Variants in FMN2 observed in about 807,000 individuals in gnomAD.
FMN2 encodes formin-2.
FMN2 carries 51 observed loss-of-function variants against 142.3 expected under a neutral mutation model. That is an observed-to-expected ratio of 0.36 (90% CI 0.29 to 0.45). The LOEUF (loss-of-function observed/expected upper bound fraction) is 0.45. FMN2 is among the 20% of genes least tolerant of loss of function. The pLI is 1.00. For synonymous variants in FMN2, 882 were observed against 869.8 expected, an observed-to-expected ratio of 1.01 and a Z score of -0.25; for missense variants, 1,936 against 2,122.8, an observed-to-expected ratio of 0.91 and a Z score of 1.73.
In FMN2 at chr1:240,231,218, G is replaced by A. The variant is rs1421046094; in HGVS notation, c.4065+19983G>A. ...CTCTCTAATTTGACCATCTCTTTGC[G>A]TTCCACATTAAGCCTTCCAAAAAAT... On this transcript the variant is annotated intron_variant, in intron 6 of 17. Coordinates refer to ENST00000319653, the MANE Select transcript of FMN2 (RefSeq NM_020066.5). Among the ~76,000 whole-genome samples, 7 of 132,166 alleles carry A rather than the reference G, an allele frequency of 5.3e-5. 2 individuals are homozygous for A. The highest frequency in any genetic ancestry group is 9.5e-5 in the Non-Finnish European group (6 of 63,050). The allele number at this position is 132,166 out of a possible 152,430, so 86.7% of individuals were successfully genotyped here. A position where few individuals can be genotyped will look rare whatever the true frequency, so the allele number is the denominator to read the frequency against.
At chr1:240,468,919 G>A (rs909666187) in intron 16 of FMN2, among the ~76,000 whole-genome samples, 9 of 152,110 alleles carry the variant, frequency 5.9e-5, no homozygotes, top group African/African-American at 2.2e-4. Flanking sequence ...CAACATAGTC[G>A]ACCTCCAGGG....
At chr1:240,192,572 C>G (rs1356720120) in intron 4 of FMN2, among the ~76,000 whole-genome samples, 4 of 152,066 alleles carry the variant, frequency 2.6e-5, no homozygotes, top group Non-Finnish European at 5.9e-5. Context: ...GTAAGAAATA[C>G]AAGTCTTAAA....
At chr1:240,283,949 C>G (rs957397377) in intron 7 of FMN2, among the ~76,000 whole-genome samples, 1 of 152,108 alleles carries the variant, frequency 6.6e-6, no homozygotes. Context: ...TATGATCCAT[C>G]GGCATTGTGC....
chr1:240,193,221 C>T (rs1344109515), intron 4 of FMN2, among the ~76,000 whole-genome samples: 1 of 152,146 alleles, frequency 6.6e-6, no homozygotes, highest in African/African-American at 2.4e-5. Context: ...TAAAAGTTCT[C>T]TGCTTATAAA....
chr1:240,145,360 T>C (rs1663400760), intron 2 of FMN2: 2 of 655,558 alleles, frequency 3.1e-6, no homozygotes, highest in Non-Finnish European at 4.9e-6. Context: ...TCTTGTCCCA[T>C]CCTCCCTCCT....
intron 16 of FMN2, among the ~76,000 whole-genome samples, chr1:240,443,814 C>T (rs1050265138): frequency 1.3e-5 from 2 of 151,900 alleles, no homozygotes; most frequent in African/African-American, 4.8e-5. Flanking sequence ...GGGAGACTAA[C>T]ATTTATTCTA....
intron 1 of FMN2, among the ~76,000 whole-genome samples, chr1:240,101,025 T>G (rs1248822112): frequency 1.3e-5 from 2 of 152,162 alleles, no homozygotes; most frequent in Non-Finnish European, 2.9e-5. Context: ...TTGTTTTAGG[T>G]ACGCAGGAGG....
chr1:240,192,109 C>A (rs909024228), intron 4 of FMN2, among the ~76,000 whole-genome samples: 1 of 152,194 alleles, frequency 6.6e-6, no homozygotes, highest in Non-Finnish European at 1.5e-5. Flanking sequence ...ATTGCCCAAT[C>A]TAACTGCAAA....
chr1:240,471,263 A>G (rs1042152342), intron 16 of FMN2, among the ~76,000 whole-genome samples: 1 of 152,242 alleles, frequency 6.6e-6, no homozygotes, highest in Admixed American at 6.5e-5. Flanking sequence ...CAGTTTTTAG[A>G]AACTGCTCAA....
At chr1:240,116,973 C>CT (rs1662049220) in intron 1 of FMN2, among the ~76,000 whole-genome samples, 1 of 151,420 alleles carries the variant, frequency 6.6e-6, no homozygotes. Flanking sequence ...AGGATTTGTT[C>CT]TTTCGGTTTT....
chr1:240,277,222 CAGT>C (rs1438680093), intron 7 of FMN2, among the ~76,000 whole-genome samples: 4 of 152,100 alleles, frequency 2.6e-5, no homozygotes, highest in South Asian at 2.1e-4. Flanking sequence ...ATATTTGTCA[CAGT>C]AGCCATTTGG....
chr1:240,237,398 A>G (rs1289402024), intron 6 of FMN2, among the ~76,000 whole-genome samples: 1 of 152,088 alleles, frequency 6.6e-6, no homozygotes, highest in Non-Finnish European at 1.5e-5. Flanking sequence ...TGCACAGACC[A>G]TGTGATTTTA....
chr1:240,277,836 G>A (rs574493254), intron 7 of FMN2, among the ~76,000 whole-genome samples: 26 of 152,074 alleles, frequency 1.7e-4, no homozygotes, highest in African/African-American at 4.8e-4. Flanking sequence ...CGCCTGGCCC[G>A]TACCTACATC....
intron 14 of FMN2, among the ~76,000 whole-genome samples, chr1:240,388,735 G>A (rs1000937847): frequency 6.6e-6 from 1 of 151,836 alleles, no homozygotes; most frequent in South Asian, 2.1e-4. Context: ...TGTGGCATGC[G>A]CCTGTAATCC....
At position 240,124,864 on chromosome 1, in the gene FMN2, C is replaced by T. The variant is rs776035285; in HGVS notation, c.1782+1519C>T. Among the ~76,000 whole-genome samples, 8 of 152,130 alleles carry T rather than the reference C, an allele frequency of 5.3e-5. 1 individual carries two copies. In the Middle Eastern group the frequency reaches 0.014, roughly 259 times the overall value. ...TGTATTTTTAGTAGAGACGGGGTTT[C>T]ACCATGTTGTTCAGGCTGTTCTTGA... On this transcript the variant is annotated intron_variant, in intron 2 of 17. Coordinates refer to ENST00000319653, the MANE Select transcript of FMN2 (RefSeq NM_020066.5).
chr1:240,099,848 T>C (rs1661354331), intron 1 of FMN2, among the ~76,000 whole-genome samples: 1 of 152,180 alleles, frequency 6.6e-6, no homozygotes, highest in Non-Finnish European at 1.5e-5. Flanking sequence ...GTCTTCTTTC[T>C]TGCCACCCTC....
At chr1:240,239,614 A>G (rs796914227) in intron 6 of FMN2, among the ~76,000 whole-genome samples, 27 of 152,316 alleles carry the variant, frequency 1.8e-4, no homozygotes, top group African/African-American at 6.5e-4. Flanking sequence ...GGTCAAATCC[A>G]GTTTTCATCT....
At chr1:240,437,966 T>A in intron 15 of FMN2, 95 bp from the exon 16 acceptor site, 1 of 1,423,398 alleles carries the variant, frequency 7.0e-7, no homozygotes, top group Non-Finnish European at 9.6e-7. Flanking sequence ...ATAATAATTG[T>A]GCATGAATAA....
At chr1:240,450,320 T>C (rs1675967103) in intron 16 of FMN2, among the ~76,000 whole-genome samples, 2 of 152,210 alleles carry the variant, frequency 1.3e-5, no homozygotes, top group Admixed American at 6.5e-5. Flanking sequence ...CAGAATCCCT[T>C]TGAATATTGT....
Sources: allele counts gnomAD v4.1 joint callset (sites outside exome capture counted in the v4.1 genomes callset), GRCh38; gene constraint gnomAD v4.1.1; transcripts MANE v1.5; gene names NCBI Gene and HGNC (gene_info 2026-07-23, HGNC 2026-07-21).